The following GSK3B variants were observed in gnomAD, a reference collection of about 807,000 sequenced individuals.
The protein encoded by GSK3B is glycogen synthase kinase-3 beta.
GSK3B carries 15 observed loss-of-function variants against 56.4 expected under a neutral mutation model. That is an observed-to-expected ratio of 0.27 (90% CI 0.18 to 0.41). GSK3B has a LOEUF of 0.41. Ranked by LOEUF, GSK3B falls within the 10% of genes least tolerant of loss-of-function variation. The pLI is 1.00. For missense variants in GSK3B, 300 were observed against 513.4 expected, an observed-to-expected ratio of 0.58 and a Z score of 4.02; for synonymous variants, 181 against 188.9, an observed-to-expected ratio of 0.96 and a Z score of 0.34.
At chr3:119,940,159 T>C (rs190269522) in intron 3 of GSK3B, among the ~76,000 whole-genome samples, 92 of 151,714 alleles carry the variant, frequency 6.1e-4, no homozygotes, top group African/African-American at 2.2e-3. Flanking sequence ...ATAACACAAG[T>C]ATATATATAA....
At chr3:119,986,731 G>C (rs1215321720) in intron 2 of GSK3B, among the ~76,000 whole-genome samples, 3 of 152,180 alleles carry the variant, frequency 2.0e-5, no homozygotes, top group Non-Finnish European at 4.4e-5. Flanking sequence ...ATACACTGTT[G>C]GTGGCAGTGT....
At chr3:119,836,593 T>TA (rs1182014085) in intron 10 of GSK3B, among the ~76,000 whole-genome samples, 1 of 152,210 alleles carries the variant, frequency 6.6e-6, no homozygotes, top group East Asian at 1.9e-4. Context: ...CCATCTTTGA[T>TA]ATGGTTACTT....
intron 2 of GSK3B, among the ~76,000 whole-genome samples, chr3:119,978,368 C>T (rs983163611): frequency 2.0e-5 from 3 of 152,228 alleles, no homozygotes; most frequent in African/African-American, 7.2e-5. Flanking sequence ...CGCCCTAAAA[C>T]CAATATATAT....
intron 6 of GSK3B, among the ~76,000 whole-genome samples, chr3:119,906,072 TA>T (rs917349132): frequency 2.6e-5 from 4 of 152,086 alleles, no homozygotes; most frequent in Admixed American, 2.6e-4. Context: ...AATATTCTAA[TA>T]AAGGGTAAAG....
chr3:120,085,458 C>A (rs956620794), intron 1 of GSK3B, among the ~76,000 whole-genome samples: 6 of 152,178 alleles, frequency 3.9e-5, no homozygotes, highest in Admixed American at 6.5e-5. Flanking sequence ...TACTCAAAAT[C>A]TAGCATTAGA....
intron 2 of GSK3B, among the ~76,000 whole-genome samples, chr3:119,972,711 A>C (rs1470760422): frequency 6.6e-6 from 1 of 152,210 alleles, no homozygotes; most frequent in African/African-American, 2.4e-5. Flanking sequence ...CTGGAATTAC[A>C]GGTGTGAGCC....
At chr3:119,869,223 CAAAAAAAAA>C (rs67194724) in intron 8 of GSK3B, among the ~76,000 whole-genome samples, 28 of 54,842 alleles carry the variant, frequency 5.1e-4, no homozygotes, top group Non-Finnish European at 7.2e-4. Context: ...GATTCCATCT[CAAAAAAAAA>C]AAAAAAAAAA....
intron 1 of GSK3B, among the ~76,000 whole-genome samples, chr3:120,071,359 G>A (rs1297730950): frequency 6.6e-6 from 1 of 152,032 alleles, no homozygotes; most frequent in African/African-American, 2.4e-5. Context: ...TATATTAAAC[G>A]CTATATATCA....
At chr3:120,016,529 CCATGTCATAAATATAAGAGATGGGTATTT>C (rs2057829196) in intron 1 of GSK3B, among the ~76,000 whole-genome samples, 1 of 152,130 alleles carries the variant, frequency 6.6e-6, no homozygotes, top group Admixed American at 6.6e-5. Flanking sequence ...TTGCTAAGGA[CCATGTCATAAATATAAGAGATGGGTATTT>C]AGGCCCTGAA....
intron 9 of GSK3B, among the ~76,000 whole-genome samples, chr3:119,857,231 C>T (rs1187441219): frequency 1.3e-5 from 2 of 152,108 alleles, no homozygotes; most frequent in South Asian, 2.1e-4. Context: ...AACAAAACAA[C>T]CATGAAGTTT....
chr3:119,937,376 C>A (rs1361436268), intron 3 of GSK3B, among the ~76,000 whole-genome samples: 1 of 152,070 alleles, frequency 6.6e-6, no homozygotes, highest in Admixed American at 6.5e-5. Flanking sequence ...TGACACCTCT[C>A]TGCTATCTGG....
At chr3:120,090,234 A>G (rs1293264453) in intron 1 of GSK3B, among the ~76,000 whole-genome samples, 1 of 151,960 alleles carries the variant, frequency 6.6e-6, no homozygotes. Flanking sequence ...TGTATATAAA[A>G]AAAAAAAAAA....
intron 2 of GSK3B, among the ~76,000 whole-genome samples, chr3:119,963,318 T>G (rs1349504270): frequency 1.3e-5 from 2 of 152,054 alleles, no homozygotes; most frequent in African/African-American, 4.8e-5. Context: ...CTAAAGACAT[T>G]TTTTACATAA....
intron 2 of GSK3B, among the ~76,000 whole-genome samples, chr3:119,999,368 T>C (rs2057653831): frequency 6.6e-6 from 1 of 152,206 alleles, no homozygotes; most frequent in South Asian, 2.1e-4. Flanking sequence ...TCCTTGCTCA[T>C]CCATCCACTT....
intron 1 of GSK3B, among the ~76,000 whole-genome samples, chr3:120,033,266 G>A (rs539946219): frequency 6.6e-6 from 1 of 152,102 alleles, no homozygotes; most frequent in Non-Finnish European, 1.5e-5. Context: ...TGTTTGGGTT[G>A]TTTTTCTACT....
At chr3:120,026,453 T>A in intron 1 of GSK3B, among the ~76,000 whole-genome samples, 1 of 144,938 alleles carries the variant, frequency 6.9e-6, no homozygotes, top group Non-Finnish European at 1.5e-5. Context: ...GGTCTGCAAA[T>A]CCACACAAAA....
intron 1 of GSK3B, among the ~76,000 whole-genome samples, chr3:120,038,760 C>A (rs1360630696): frequency 1.3e-5 from 2 of 151,580 alleles, no homozygotes; most frequent in Admixed American, 1.3e-4. Context: ...CAGGAAAAAT[C>A]CAAGTAACCT....
At chr3:120,012,841 TA>T in intron 1 of GSK3B, among the ~76,000 whole-genome samples, 1 of 152,252 alleles carries the variant, frequency 6.6e-6, no homozygotes, top group East Asian at 1.9e-4. Context: ...GCCTCACTAA[TA>T]TTTTTTATTT....
intron 7 of GSK3B, among the ~76,000 whole-genome samples, chr3:119,890,876 TC>T (rs1379961805): frequency 6.6e-6 from 1 of 151,836 alleles, no homozygotes; most frequent in Non-Finnish European, 1.5e-5. Flanking sequence ...AACCCTAAAA[TC>T]AGAACTATTT....
Sources: allele counts gnomAD v4.1 joint callset (sites outside exome capture counted in the v4.1 genomes callset), GRCh38; gene constraint gnomAD v4.1.1; transcripts MANE v1.5; gene names NCBI Gene and HGNC (gene_info 2026-07-23, HGNC 2026-07-21).